Variants in NELL1 observed in about 807,000 individuals in gnomAD.
The protein encoded by NELL1 is protein kinase C-binding protein NELL1.
A neutral mutation model predicts 107.4 loss-of-function variants in NELL1; 76 were observed. The observed-to-expected ratio is 0.71, with a 90% CI of 0.59 to 0.86. The LOEUF is 0.86. Among genes scored for constraint, NELL1 ranks in the 40% least tolerant of loss-of-function variants. NELL1 has a pLI of 0.00. For missense variants in NELL1, 1,024 were observed against 1,005.5 expected, an observed-to-expected ratio of 1.02 and a Z score of -0.25; for synonymous variants, 353 against 341.2, an observed-to-expected ratio of 1.03 and a Z score of -0.38.
chr11:21,048,616 G>A (rs1261629739), intron 12 of NELL1, among the ~76,000 whole-genome samples: 1 of 152,020 alleles, frequency 6.6e-6, no homozygotes, highest in Non-Finnish European at 1.5e-5. Flanking sequence ...ACCTTTTCTT[G>A]TTGTAAACAA....
intron 15 of NELL1, among the ~76,000 whole-genome samples, chr11:21,416,773 T>TA (rs150691316): frequency 0.02 from 3,058 of 152,210 alleles, 40 homozygotes; most frequent in Non-Finnish European, 0.033. Context: ...AGAAGCAACT[T>TA]ATGGGCAGCT....
intron 13 of NELL1, among the ~76,000 whole-genome samples, chr11:21,123,812 A>C (rs1565071976): frequency 6.6e-6 from 1 of 152,230 alleles, no homozygotes. Flanking sequence ...ATATAAACTC[A>C]TGGAAATTCG....
intron 3 of NELL1, among the ~76,000 whole-genome samples, chr11:20,845,143 T>C (rs1848681865): frequency 6.6e-6 from 1 of 152,206 alleles, no homozygotes; most frequent in South Asian, 2.1e-4. Flanking sequence ...TTCATCCAAG[T>C]TGCATGAGAT....
At position 20,715,789 on chromosome 11, in the gene NELL1, A is replaced by G. The variant is rs560624718; in HGVS notation, c.184+37729A>G. Among the ~76,000 whole-genome samples, 2 of 152,224 alleles carry G rather than the reference A, an allele frequency of 1.3e-5. 1 individual carries two copies. Among genetic ancestry groups the G allele is most frequent in the Non-Finnish European group, 2.9e-5 (2 of 68,038 alleles). ...TATCTGGTAGTCTTTTTGTCTGCTT[A>G]AAGAGAATCTGCAAGAACATCTGAA... On this transcript the variant is annotated intron_variant, in intron 2 of 19. Transcript: ENST00000357134.
At chr11:20,903,375 A>T (rs1345562305) in intron 5 of NELL1, among the ~76,000 whole-genome samples, 1 of 152,094 alleles carries the variant, frequency 6.6e-6, no homozygotes, top group Non-Finnish European at 1.5e-5. Flanking sequence ...CTCAGTCCTG[A>T]AAAGACATTA....
At chr11:20,898,571 A>T (rs1849802671) in intron 5 of NELL1, among the ~76,000 whole-genome samples, 1 of 140,032 alleles carries the variant, frequency 7.1e-6, no homozygotes, top group African/African-American at 2.9e-5. Context: ...AAAGTATAAT[A>T]AAAAAAAAAG....
At chr11:21,276,725 G>T (rs1257843162) in intron 14 of NELL1, among the ~76,000 whole-genome samples, 5 of 152,134 alleles carry the variant, frequency 3.3e-5, no homozygotes, top group Non-Finnish European at 7.3e-5. Flanking sequence ...ACAGAACGGA[G>T]CCCTCAGAAA....
intron 14 of NELL1, among the ~76,000 whole-genome samples, chr11:21,368,763 G>T (rs1851291313): frequency 6.6e-6 from 1 of 152,004 alleles, no homozygotes; most frequent in Admixed American, 6.6e-5. Context: ...GGTTTATATT[G>T]TCTGGATATT....
intron 14 of NELL1, among the ~76,000 whole-genome samples, chr11:21,258,296 T>C (rs570848317): frequency 5.1e-4 from 78 of 152,178 alleles, no homozygotes; most frequent in African/African-American, 1.9e-3. Context: ...TGCTGAAGCA[T>C]GGACTGTGGA....
intron 15 of NELL1, among the ~76,000 whole-genome samples, chr11:21,505,924 T>C (rs1855267100): frequency 1.3e-5 from 2 of 152,162 alleles, no homozygotes; most frequent in Non-Finnish European, 2.9e-5. Flanking sequence ...GATGAATGAA[T>C]GGAAGTTGGA....
chr11:21,537,988 T>C (rs1856181147), intron 16 of NELL1, among the ~76,000 whole-genome samples: 1 of 152,162 alleles, frequency 6.6e-6, no homozygotes, highest in South Asian at 2.1e-4. Context: ...ATTAATGACC[T>C]GACGTACTCT....
intron 12 of NELL1, among the ~76,000 whole-genome samples, chr11:21,008,425 CA>C (rs1852375796): frequency 6.6e-6 from 1 of 152,072 alleles, no homozygotes; most frequent in Middle Eastern, 3.2e-3. Context: ...GATACTAGGA[CA>C]TTTTTTCTTA....
At chr11:21,472,676 T>A (rs949848520) in intron 15 of NELL1, among the ~76,000 whole-genome samples, 8 of 152,110 alleles carry the variant, frequency 5.3e-5, no homozygotes, top group Admixed American at 3.9e-4. Flanking sequence ...ACTACATACT[T>A]ATTTTTTTCT....
intron 13 of NELL1, among the ~76,000 whole-genome samples, chr11:21,125,227 G>A (rs1855461029): frequency 1.3e-5 from 2 of 152,122 alleles, no homozygotes; most frequent in African/African-American, 4.8e-5. Context: ...ATACTAAGGG[G>A]AGCCTGAAAA....
intron 15 of NELL1, among the ~76,000 whole-genome samples, chr11:21,371,979 C>A (rs535366642): frequency 2.0e-5 from 3 of 152,112 alleles, no homozygotes; most frequent in South Asian, 2.1e-4. Flanking sequence ...ATGAGGCAGT[C>A]TAATCCTTTT....
intron 10 of NELL1, among the ~76,000 whole-genome samples, chr11:20,941,894 A>G (rs975929728): frequency 2.6e-5 from 4 of 152,182 alleles, no homozygotes; most frequent in African/African-American, 9.7e-5. Flanking sequence ...GAGAGCAAGT[A>G]CAAGATGGTG....
At chr11:21,564,617 G>T (rs536009728) in intron 17 of NELL1, among the ~76,000 whole-genome samples, 1 of 151,998 alleles carries the variant, frequency 6.6e-6, no homozygotes, top group South Asian at 2.1e-4. Flanking sequence ...ATTTCTTGCA[G>T]TTAAAAAATG....
intron 15 of NELL1, among the ~76,000 whole-genome samples, chr11:21,399,255 T>A (rs920311279): frequency 1.3e-5 from 2 of 151,640 alleles, no homozygotes; most frequent in African/African-American, 4.8e-5. Flanking sequence ...GAGGAAGCAA[T>A]GAATTGGGTG....
At position 21,050,128 on chromosome 11, in the gene NELL1, A is replaced by G. The variant is rs145956542; in HGVS notation, c.1301-63461A>G. On this transcript the variant is annotated intron_variant, in intron 12 of 19. Coordinates refer to ENST00000357134, the MANE Select transcript of NELL1 (RefSeq NM_006157.5). The stretch of plus-strand genomic sequence containing the variant: ...TGAATAAAAAATATAAGATATAATT[A>G]TCTGCCTTTGTCAGCAGTATTATTA... Among the ~76,000 whole-genome samples, 27 of 152,322 alleles carry G rather than the reference A, an allele frequency of 1.8e-4. No homozygotes were observed. In the East Asian group the frequency reaches 3.9e-3, roughly 22 times the overall value.
Sources: allele counts gnomAD v4.1 joint callset (sites outside exome capture counted in the v4.1 genomes callset), GRCh38; gene constraint gnomAD v4.1.1; transcripts MANE v1.5; gene names NCBI Gene and HGNC (gene_info 2026-07-23, HGNC 2026-07-21).